The following MCU variants were observed in gnomAD, a reference collection of about 807,000 sequenced individuals.
MCU encodes the protein mitochondrial calcium uniporter.
Under a neutral mutation model 45.2 loss-of-function variants are expected in MCU, and 12 were observed. The observed-to-expected ratio is 0.27, with a 90% CI of 0.17 to 0.43. MCU has a LOEUF of 0.43. Among genes scored for constraint, MCU ranks in the 20% least tolerant of loss-of-function variants. The pLI is 1.00. For missense variants in MCU, 324 were observed against 436.7 expected (o/e 0.74, Z 2.30); for synonymous variants, 160 against 165.1 (o/e 0.97, Z 0.24).
At chr10:72,757,605 A>T (rs1427718950) in intron 1 of MCU, among the ~76,000 whole-genome samples, 1 of 146,784 alleles carries the variant, frequency 6.8e-6, no homozygotes, top group Non-Finnish European at 1.5e-5. Context: ...ATTTTTTTTT[A>T]ATCTCTAAAG....
chr10:72,862,261 G>A (rs530322044), intron 4 of MCU, among the ~76,000 whole-genome samples: 48 of 152,212 alleles, frequency 3.2e-4, no homozygotes, highest in African/African-American at 1.1e-3. Flanking sequence ...GATTACAGGC[G>A]TGAGCCACCG....
intron 1 of MCU, among the ~76,000 whole-genome samples, chr10:72,820,910 TTGGTTTTTTTTTTTTCCCCAAG>T (rs1844702337): frequency 6.6e-6 from 1 of 152,006 alleles, no homozygotes; most frequent in South Asian, 2.1e-4. Context: ...GTTTCTGTTG[TTGGTTTTTTTTTTTTCCCCAAG>T]TGGTGACATG....
chr10:72,749,700 C>T (rs1341230101), intron 1 of MCU, among the ~76,000 whole-genome samples: 2 of 152,116 alleles, frequency 1.3e-5, no homozygotes, highest in East Asian at 3.9e-4. Flanking sequence ...AGGTGTTAAG[C>T]TGGACTATCC....
At chr10:72,732,259 G>T (rs1304185783) in intron 1 of MCU, among the ~76,000 whole-genome samples, 1 of 152,166 alleles carries the variant, frequency 6.6e-6, no homozygotes, top group African/African-American at 2.4e-5. Context: ...TTCAAATTGG[G>T]TTGTCTTTCT....
At chr10:72,812,622 T>C (rs1376374346) in intron 1 of MCU, among the ~76,000 whole-genome samples, 1 of 152,206 alleles carries the variant, frequency 6.6e-6, no homozygotes, top group Non-Finnish European at 1.5e-5. Flanking sequence ...GAGTAATCTT[T>C]AGTATTCATT....
chr10:72,871,052 A>G (rs1042951933), intron 5 of MCU, among the ~76,000 whole-genome samples: 19 of 152,046 alleles, frequency 1.2e-4, no homozygotes, highest in Admixed American at 4.6e-4. Context: ...GGGATGTGCC[A>G]CCATGCCCTG....
intron 1 of MCU, among the ~76,000 whole-genome samples, chr10:72,809,057 A>G (rs1420563182): frequency 6.6e-6 from 1 of 152,246 alleles, no homozygotes; most frequent in Non-Finnish European, 1.5e-5. Flanking sequence ...AGATGATAAT[A>G]TCATCCAGTC....
At chr10:72,821,314 A>G (rs189055453) in intron 1 of MCU, among the ~76,000 whole-genome samples, 53 of 152,134 alleles carry the variant, frequency 3.5e-4, no homozygotes, top group African/African-American at 1.2e-3. Flanking sequence ...CACCCTTCAT[A>G]TAAAATGTAA....
intron 1 of MCU, among the ~76,000 whole-genome samples, chr10:72,768,304 A>T (rs1280185200): frequency 1.3e-5 from 2 of 152,184 alleles, no homozygotes; most frequent in Non-Finnish European, 2.9e-5. Flanking sequence ...TTTGAGATAG[A>T]CATATGGTTT....
At chr10:72,720,701 C>T (rs562209365) in intron 1 of MCU, among the ~76,000 whole-genome samples, 1 of 152,258 alleles carries the variant, frequency 6.6e-6, no homozygotes, top group South Asian at 2.1e-4. Flanking sequence ...GTTTAAACTT[C>T]AGATTGTAAC....
At chr10:72,790,987 G>A (rs1267373829) in intron 1 of MCU, among the ~76,000 whole-genome samples, 1 of 152,170 alleles carries the variant, frequency 6.6e-6, no homozygotes, top group East Asian at 1.9e-4. Context: ...TATATAATTA[G>A]TGTATATTCT....
At chr10:72,755,646 A>G (rs764900284) in intron 1 of MCU, among the ~76,000 whole-genome samples, 4 of 152,216 alleles carry the variant, frequency 2.6e-5, no homozygotes, top group Non-Finnish European at 5.9e-5. Flanking sequence ...TGTTATTAAT[A>G]TTAGATCACT....
chr10:72,792,332 T>C (rs1844174083), intron 1 of MCU, among the ~76,000 whole-genome samples: 1 of 152,196 alleles, frequency 6.6e-6, no homozygotes, highest in Admixed American at 6.5e-5. Context: ...AAGCAGGGGC[T>C]TACAGATCAT....
intron 6 of MCU, among the ~76,000 whole-genome samples, chr10:72,877,914 C>T (rs1158130775): frequency 6.6e-6 from 1 of 151,970 alleles, no homozygotes; most frequent in East Asian, 1.9e-4. Flanking sequence ...TAAGGATTCA[C>T]CTAGTATAGG....
chr10:72,762,430 A>ATT (rs925706217), intron 1 of MCU, among the ~76,000 whole-genome samples: 1 of 147,418 alleles, frequency 6.8e-6, no homozygotes, highest in African/African-American at 2.5e-5. Context: ...AGGAACAGGG[A>ATT]TTTTTTTTTT....
At chr10:72,757,542 G>GC (rs1449011932) in intron 1 of MCU, among the ~76,000 whole-genome samples, 1 of 151,910 alleles carries the variant, frequency 6.6e-6, no homozygotes, top group Non-Finnish European at 1.5e-5. Flanking sequence ...AAATATAAAA[G>GC]TAGTTTTTTA....
intron 1 of MCU, among the ~76,000 whole-genome samples, chr10:72,778,317 A>G (rs1564553928): frequency 6.6e-6 from 1 of 152,246 alleles, no homozygotes; most frequent in Non-Finnish European, 1.5e-5. Flanking sequence ...AATGTGGTAT[A>G]TATACACAAT....
intron 1 of MCU, among the ~76,000 whole-genome samples, chr10:72,775,778 A>G (rs1377555451): frequency 1.3e-5 from 2 of 152,208 alleles, no homozygotes; most frequent in Non-Finnish European, 2.9e-5. Context: ...GAAGAAAAGG[A>G]TAAATTCCTG....
At chr10:72,728,659 GGA>G (rs1402813053) in intron 1 of MCU, among the ~76,000 whole-genome samples, 1 of 152,148 alleles carries the variant, frequency 6.6e-6, no homozygotes, top group Non-Finnish European at 1.5e-5. Flanking sequence ...TAATGTGGTG[GGA>G]GTGTGGGAGT....
Sources: gnomAD v4.1 joint callset for allele counts (sites outside exome capture counted in the v4.1 genomes callset) on GRCh38, gnomAD v4.1.1 for gene constraint, MANE v1.5 for transcripts, NCBI Gene and HGNC (gene_info 2026-07-23, HGNC 2026-07-21) for gene names.